KCNIP4: variants seen among roughly 807,000 people sequenced by gnomAD.
KCNIP4 encodes the protein potassium voltage-gated channel interacting protein 4.
Under a neutral mutation model 34.0 loss-of-function variants are expected in KCNIP4, and 12 were observed. The ratio of observed to expected loss-of-function variants is 0.35; its 90% CI spans 0.23 to 0.57. The LOEUF is 0.57. Among genes scored for constraint, KCNIP4 ranks in the 20% least tolerant of loss-of-function variants. The probability of loss-of-function intolerance (pLI) is 0.83; values close to 1 mark genes in which losing one functional copy is unlikely to be tolerated. For missense variants in KCNIP4, 238 were observed against 311.7 expected (o/e 0.76, Z 1.78); for synonymous variants, 124 against 102.2 (o/e 1.21, Z -1.29).
At chr4:21,089,355 G>A (rs1335906623) in intron 1 of KCNIP4, among the ~76,000 whole-genome samples, 8 of 152,118 alleles carry the variant, frequency 5.3e-5, no homozygotes, top group African/African-American at 7.2e-5. Context: ...CTTCCACCAC[G>A]ATTGTAAATT....
At chr4:20,814,100 G>A (rs976921863) in intron 3 of KCNIP4, among the ~76,000 whole-genome samples, 5 of 152,122 alleles carry the variant, frequency 3.3e-5, no homozygotes, top group Non-Finnish European at 7.4e-5. Flanking sequence ...CATCCACATC[G>A]TATGGTGCTG....
At chr4:20,811,517 G>A (rs113684691) in intron 3 of KCNIP4, among the ~76,000 whole-genome samples, 12 of 33,620 alleles carry the variant, frequency 3.6e-4, no homozygotes, top group Non-Finnish European at 5.8e-4. Flanking sequence ...GTGTGTGTGC[G>A]CGCGCGCACG....
At chr4:21,516,033 T>C (rs1413482132) in intron 1 of KCNIP4, among the ~76,000 whole-genome samples, 2 of 152,206 alleles carry the variant, frequency 1.3e-5, no homozygotes, top group Non-Finnish European at 2.9e-5. Flanking sequence ...CAAAGAGTAG[T>C]AGCTCAATTG....
intron 1 of KCNIP4, among the ~76,000 whole-genome samples, chr4:21,248,114 A>G (rs1760431326): frequency 6.6e-6 from 1 of 151,212 alleles, no homozygotes; most frequent in Non-Finnish European, 1.5e-5. Context: ...AATAATATAA[A>G]ATAATATAAG....
intron 1 of KCNIP4, among the ~76,000 whole-genome samples, chr4:21,205,458 ATC>A (rs1261777630): frequency 6.6e-6 from 1 of 152,304 alleles, no homozygotes; most frequent in East Asian, 1.9e-4. Flanking sequence ...GATCCCATTT[ATC>A]TTTCACAACT....
At chr4:21,308,661 C>T (rs1200637120) in intron 1 of KCNIP4, among the ~76,000 whole-genome samples, 3 of 152,024 alleles carry the variant, frequency 2.0e-5, no homozygotes, top group Non-Finnish European at 4.4e-5. Flanking sequence ...ATTTCTCGCC[C>T]TTTCTGCATT....
intron 1 of KCNIP4, among the ~76,000 whole-genome samples, chr4:21,034,158 A>G (rs951682064): frequency 6.6e-6 from 1 of 152,132 alleles, no homozygotes; most frequent in Non-Finnish European, 1.5e-5. Context: ...AAAGAAAGAA[A>G]TTTTTTACAT....
chr4:21,119,968 G>A (rs1280722205), intron 1 of KCNIP4, among the ~76,000 whole-genome samples: 1 of 152,166 alleles, frequency 6.6e-6, no homozygotes, highest in African/African-American at 2.4e-5. Flanking sequence ...AGCCAGAACG[G>A]GAAGGTGTTG....
At chr4:20,750,031 G>A (rs889468713) in intron 4 of KCNIP4, among the ~76,000 whole-genome samples, 12 of 152,196 alleles carry the variant, frequency 7.9e-5, no homozygotes, top group Admixed American at 7.2e-4. Flanking sequence ...ATAGGTGGAT[G>A]TGAAGATTGA....
At chr4:21,147,956 A>AAAAAAAAAAAAAAAAAG (rs1553945843) in intron 1 of KCNIP4, among the ~76,000 whole-genome samples, 1 of 128,430 alleles carries the variant, frequency 7.8e-6, no homozygotes, top group African/African-American at 3.1e-5. Flanking sequence ...AAAAAAAAAA[A>AAAAAAAAAAAAAAAAAG]AAAAGAAAAA....
At chr4:21,024,269 G>A (rs1229738981) in intron 1 of KCNIP4, among the ~76,000 whole-genome samples, 2 of 152,148 alleles carry the variant, frequency 1.3e-5, no homozygotes, top group African/African-American at 2.4e-5. Flanking sequence ...GTATCAATCA[G>A]TAGTAGCCAC....
intron 2 of KCNIP4, among the ~76,000 whole-genome samples, chr4:20,869,408 T>C (rs1229665092): frequency 2.0e-5 from 3 of 151,978 alleles, no homozygotes; most frequent in Admixed American, 1.3e-4. Context: ...TTAAATGAGA[T>C]GGTATATGTG....
intron 2 of KCNIP4, among the ~76,000 whole-genome samples, chr4:20,876,339 T>C (rs1724025980): frequency 6.6e-6 from 1 of 152,136 alleles, no homozygotes; most frequent in South Asian, 2.1e-4. Context: ...AGAGATAAAG[T>C]GAGTTACTCA....
At chr4:21,368,102 C>T (rs1274708873) in intron 1 of KCNIP4, among the ~76,000 whole-genome samples, 1 of 146,968 alleles carries the variant, frequency 6.8e-6, no homozygotes, top group East Asian at 2.0e-4. Flanking sequence ...GTTTGAATTC[C>T]AGCTCTATCA....
At chr4:20,876,946 C>T (rs1327357846) in intron 2 of KCNIP4, among the ~76,000 whole-genome samples, 2 of 152,154 alleles carry the variant, frequency 1.3e-5, no homozygotes, top group African/African-American at 2.4e-5. Flanking sequence ...TAGGAATTGT[C>T]GCTGATCCTG....
intron 1 of KCNIP4, among the ~76,000 whole-genome samples, chr4:20,901,014 C>CA (rs1186516147): frequency 1.3e-5 from 2 of 151,300 alleles, no homozygotes; most frequent in Non-Finnish European, 3.0e-5. Context: ...CAGAGCAGGA[C>CA]AATTTGTCTG....
At chr4:20,857,501 G>A (rs1721729429) in intron 2 of KCNIP4, among the ~76,000 whole-genome samples, 1 of 149,990 alleles carries the variant, frequency 6.7e-6, no homozygotes, top group Non-Finnish European at 1.5e-5. Flanking sequence ...TGGAGACTGA[G>A]TCTCATGGAT....
chr4:21,665,233 TA>T (rs961508893), intron 1 of KCNIP4, among the ~76,000 whole-genome samples: 3 of 152,300 alleles, frequency 2.0e-5, no homozygotes, highest in Admixed American at 6.5e-5. Context: ...GAAAATTTTA[TA>T]ACTTCTGGAA....
intron 1 of KCNIP4, among the ~76,000 whole-genome samples, chr4:21,470,126 G>A (rs1730335604): frequency 6.6e-6 from 1 of 152,162 alleles, no homozygotes; most frequent in Admixed American, 6.6e-5. Flanking sequence ...CCACTTTAAT[G>A]ACAGAGCCAG....
Sources: gnomAD v4.1 joint callset for allele counts (sites outside exome capture counted in the v4.1 genomes callset) on GRCh38, gnomAD v4.1.1 for gene constraint, MANE v1.5 for transcripts, NCBI Gene and HGNC (gene_info 2026-07-23, HGNC 2026-07-21) for gene names.